Variants in CHST10 observed in about 807,000 individuals in gnomAD.
CHST10 encodes carbohydrate sulfotransferase 10.
CHST10 carries 24 observed loss-of-function variants against 34.7 expected under a neutral mutation model. The ratio of observed to expected loss-of-function variants is 0.69; its 90% CI spans 0.50 to 0.97. The LOEUF (loss-of-function observed/expected upper bound fraction) is 0.97, where lower values mean the gene tolerates loss of function less well. Ranked by LOEUF, CHST10 falls within the 50% of genes least tolerant of loss-of-function variation. The pLI is 0.00. For synonymous variants in CHST10, 161 were observed against 169.3 expected (o/e 0.95, Z 0.38); for missense variants, 402 against 452.1 (o/e 0.89, Z 1.00).
chr2:100,410,280 G>A (rs374030878), intron 2 of CHST10, among the ~76,000 whole-genome samples: 3 of 152,202 alleles, frequency 2.0e-5, no homozygotes, highest in East Asian at 1.9e-4. Flanking sequence ...GGCAGCAGAG[G>A]AAGAGTCAGC....
chr2:100,398,278 C>T (rs1675169648), intron 4 of CHST10, 136 bp from the exon 5 acceptor site: 1 of 635,704 alleles, frequency 1.6e-6, no homozygotes, highest in East Asian at 2.7e-5. Context: ...TGTCTGTCTA[C>T]AGAGTGACAC....
At chr2:100,399,276 T>C (rs1675226245) in intron 4 of CHST10, among the ~76,000 whole-genome samples, 1 of 152,018 alleles carries the variant, frequency 6.6e-6, no homozygotes, top group Admixed American at 6.5e-5. Context: ...GCTAATTTTT[T>C]GTTGTATTTT....
At chr2:100,417,093 T>C in intron 1 of CHST10, 2 of 1,294,864 alleles carry the variant, frequency 1.5e-6, no homozygotes, top group South Asian at 1.2e-5. Flanking sequence ...ACGCAAATTC[T>C]CAGCCAAGGA....
intron 4 of CHST10, among the ~76,000 whole-genome samples, chr2:100,400,983 A>G (rs1252993138): frequency 6.6e-6 from 1 of 152,202 alleles, no homozygotes; most frequent in African/African-American, 2.4e-5. Flanking sequence ...ACCTGGCCAA[A>G]ATAAACTTTT....
chr2:100,393,093 C>T lies in CHST10; in HGVS notation c.*152G>A, dbSNP rs955306053. 8 of 725,806 alleles carry T rather than the reference C, an allele frequency of 1.1e-5. No individual in the cohort carries two copies. The highest frequency in any genetic ancestry group is 1.8e-5 in the African/African-American group (1 of 56,000). The allele number at this position is 725,806 out of a possible 1,614,324, so 45.0% of individuals were successfully genotyped here. ...CTAAGTTGTAACAGTTGGGGTTCTG[C>T]GTCATATGCCGAGGCAACTCACAGG... On this transcript the variant is annotated 3_prime_UTR_variant, in exon 7 of 7. Transcript: ENST00000264249.
chr2:100,407,733 C>T (rs1262427149), intron 2 of CHST10: 1 of 152,190 alleles, frequency 6.6e-6, no homozygotes, highest in African/African-American at 2.4e-5. Context: ...ATCCATGACA[C>T]ACCCACCACG....
rs1477604335 is a variant in CHST10 at position 100,402,603 on chromosome 2, C to T, written c.153G>A (p.Arg51=). The T allele has an allele frequency of 6.2e-7, 1 of 1,613,906 alleles. No individual in the cohort carries two copies. Among genetic ancestry groups the T allele is most frequent in the Non-Finnish European group, 8.5e-7 (1 of 1,179,928 alleles). Residue 51 remains arginine, a synonymous_variant, in exon 4 of 7, where the codon AGG becomes AGA. Coordinates refer to ENST00000264249, the MANE Select transcript of CHST10 (RefSeq NM_004854.5). ...FLFLTTMPEV[R]KLPEEKHIPE... is the part of the protein sequence containing the mutation. ...GAATGTGCTTCTCTTCTGGCAACTT[C>T]CTCACTTCCGGCATGGTTGTCAGGA...
intron 2 of CHST10, among the ~76,000 whole-genome samples, chr2:100,412,081 T>C (rs1454376414): frequency 6.6e-6 from 1 of 152,188 alleles, no homozygotes; most frequent in Non-Finnish European, 1.5e-5. Context: ...GGGGTGGTGA[T>C]GTCATGATCT....
At chr2:100,402,031 G>C (rs940614629) in intron 4 of CHST10, among the ~76,000 whole-genome samples, 8 of 152,226 alleles carry the variant, frequency 5.3e-5, no homozygotes, top group Admixed American at 5.2e-4. Context: ...AGCCTGCAGA[G>C]AGCCATGGAG....
At chr2:100,400,349 C>T (rs1399220039) in intron 4 of CHST10, among the ~76,000 whole-genome samples, 12 of 152,188 alleles carry the variant, frequency 7.9e-5, no homozygotes, top group Admixed American at 7.9e-4. Context: ...AAGTGATTCT[C>T]CCACCTCAGC....
In CHST10 at chr2:100,393,407, C is replaced by T. The variant is rs148920749; in HGVS notation, c.909G>A (p.Val303=). Residue 303 remains valine (V), a synonymous_variant, in exon 7 of 7, where the codon GTG becomes GTA. Transcript: ENST00000264249. ...ILKEAGIDHL[V]SYPTIPPGIT... ...TGCCCGGAGGGATAGTCGGGTATGA[C>T]ACCAGGTGGTCAATGCCAGCCTCTT... is the stretch of plus-strand genomic sequence containing the variant. 8.7e-3 allele frequency: 14,046 copies of T among 1,614,148 alleles called. 84 individuals carry two copies. Among genetic ancestry groups the T allele is most frequent in the Non-Finnish European group, 0.01 (12,075 of 1,180,036 alleles).
chr2:100,397,869 A>G (rs758210864), intron 5 of CHST10, 39 bp downstream of exon 5: 2 of 1,539,712 alleles, frequency 1.3e-6, no homozygotes, highest in South Asian at 1.2e-5. Context: ...CCGGCCACCA[A>G]GACCCTTCCC....
chr2:100,414,065 T>C (rs574036441), intron 2 of CHST10, among the ~76,000 whole-genome samples: 1 of 152,046 alleles, frequency 6.6e-6, no homozygotes, highest in African/African-American at 2.4e-5. Flanking sequence ...TCAAGCCAGG[T>C]GACAGGTGCA....
In CHST10 at chr2:100,393,395, A is replaced by G. The variant is rs1280266550; in HGVS notation, c.921T>C (p.Thr307=). 1.9e-6 allele frequency: 3 copies of G among 1,614,136 alleles called. No individual in the cohort carries two copies. The highest frequency in any genetic ancestry group is 1.7e-6 in the Non-Finnish European group (2 of 1,180,020). Residue 307 remains threonine, a synonymous_variant, in exon 7 of 7, where the codon ACT becomes ACC. Coordinates refer to ENST00000264249, the MANE Select transcript of CHST10 (RefSeq NM_004854.5). ...TATACACGGTAATGCCCGGAGGGAT[A>G]GTCGGGTATGACACCAGGTGGTCAA... ...AGIDHLVSYP[T]IPPGITVYNR...
At chr2:100,414,569 T>C (rs552108052) in intron 2 of CHST10, among the ~76,000 whole-genome samples, 1 of 152,228 alleles carries the variant, frequency 6.6e-6, no homozygotes, top group African/African-American at 2.4e-5. Flanking sequence ...GTGTGGCATA[T>C]GAATTTATAC....
chr2:100,411,002 TACAAACATAGAC>T, intron 2 of CHST10, among the ~76,000 whole-genome samples: 1 of 152,066 alleles, frequency 6.6e-6, no homozygotes. Flanking sequence ...TACACACATA[TACAAACATAGAC>T]ACATATATGT....
chr2:100,397,451 GC>G (rs948139312), intron 5 of CHST10, among the ~76,000 whole-genome samples: 20 of 152,166 alleles, frequency 1.3e-4, no homozygotes, highest in Non-Finnish European at 2.2e-4. Flanking sequence ...GAGGCTCCAG[GC>G]CCCGGGCCAG....
rs369416898 is a variant in CHST10 at position 100,393,222 on chromosome 2, T to C, written c.*23A>G. 7 of 1,609,906 alleles carry C rather than the reference T, an allele frequency of 4.3e-6. No homozygotes were observed. Among genetic ancestry groups the C allele is most frequent in the Non-Finnish European group, 5.9e-6 (7 of 1,177,364 alleles). On this transcript the variant is annotated 3_prime_UTR_variant, in exon 7 of 7. Transcript: ENST00000264249. ...GTTAGCCCCAGGTCTAATAAAGATA[T>C]TTGAATTCATAGGTCTTATGCATTA...
intron 3 of CHST10, among the ~76,000 whole-genome samples, chr2:100,405,529 G>A (rs753099025): frequency 6.6e-6 from 1 of 152,214 alleles, no homozygotes; most frequent in Non-Finnish European, 1.5e-5. Flanking sequence ...GACACAGCCA[G>A]GGACATGCCT....
Sources: allele counts gnomAD v4.1 joint callset (sites outside exome capture counted in the v4.1 genomes callset), GRCh38; gene constraint gnomAD v4.1.1; transcripts MANE v1.5; gene names NCBI Gene and HGNC (gene_info 2026-07-23, HGNC 2026-07-21).